Variants in VAT1L observed in about 807,000 individuals in gnomAD.
VAT1L encodes the protein vesicle amine transport 1 like.
A neutral mutation model predicts 44.1 loss-of-function variants in VAT1L; 34 were observed. The ratio of observed to expected loss-of-function variants is 0.77; its 90% confidence interval spans 0.59 to 1.03. The LOEUF (loss-of-function observed/expected upper bound fraction) is 1.03, where lower values mean the gene tolerates loss of function less well. Ranked by LOEUF, VAT1L falls within the 50% of genes least tolerant of loss-of-function variation. VAT1L has a pLI of 0.00. For synonymous variants in VAT1L, 253 were observed against 202.2 expected (o/e 1.25, Z -2.13); for missense variants, 615 against 538.8 (o/e 1.14, Z -1.40).
At chr16:77,917,899 G>C (rs2017567800) in intron 7 of VAT1L, among the ~76,000 whole-genome samples, 1 of 152,198 alleles carries the variant, frequency 6.6e-6, no homozygotes, top group South Asian at 2.1e-4. Flanking sequence ...ATGGAAATCA[G>C]TTGAAGCCAG....
In VAT1L at chr16:77,923,617, A is replaced by G. The variant is rs188044824; in HGVS notation, c.1077+38815A>G. Among the ~76,000 whole-genome samples the G allele has an allele frequency of 3.9e-4, 60 of 152,296 alleles. 1 individual carries two copies. Among genetic ancestry groups the G allele is most frequent in the Admixed American group, 5.9e-4 (9 of 15,290 alleles). ...ATTTCTTTGGTATTTTTCAGAAGCC[A>G]GCCTCCTGCCTAGTCACACAGCTTT... On this transcript the variant is annotated intron_variant, in intron 7 of 8. Coordinates refer to ENST00000302536, the MANE Select transcript of VAT1L (RefSeq NM_020927.3).
rs976211279 is a variant in VAT1L, at chr16:77,978,898, C to T, written c.*1203C>T. On this transcript the variant is annotated 3_prime_UTR_variant, in exon 9 of 9. Coordinates refer to ENST00000302536, the MANE Select transcript of VAT1L (RefSeq NM_020927.3). ...CTTGAGAGGTGAATACAGTTACCTT[C>T]GAGAAACAGAGGGAGCTCCTCACCC... 6.6e-6 allele frequency: 1 copy of T among 152,178 alleles called. No individual in the cohort carries two copies. The highest frequency in any genetic ancestry group is 2.4e-5 in the African/African-American group (1 of 41,462). The allele number at this position is 152,178 out of a possible 1,614,324, so 9.4% of individuals were successfully genotyped here. A position where few individuals can be genotyped will look rare whatever the true frequency, so the allele number is the denominator to read the frequency against.
At chr16:77,848,659 C>T (rs376145046) in intron 3 of VAT1L, among the ~76,000 whole-genome samples, 44 of 152,264 alleles carry the variant, frequency 2.9e-4, no homozygotes, top group African/African-American at 7.9e-4. Flanking sequence ...ATTTGCCCAA[C>T]GCCAGCTATC....
intron 1 of VAT1L, chr16:77,801,209 G>T (rs1567467497): frequency 7.0e-6 from 1 of 141,868 alleles, no homozygotes; most frequent in Admixed American, 7.1e-5. Context: ...GTGATACCAA[G>T]CATCCTACCC....
intron 7 of VAT1L, among the ~76,000 whole-genome samples, chr16:77,927,830 C>T (rs1465296668): frequency 1.3e-5 from 2 of 152,182 alleles, no homozygotes; most frequent in East Asian, 3.9e-4. Context: ...GATCACGCCA[C>T]TGTACTCCAG....
At chr16:77,969,677 T>C (rs2018258357) in intron 7 of VAT1L, among the ~76,000 whole-genome samples, 1 of 152,018 alleles carries the variant, frequency 6.6e-6, no homozygotes, top group Admixed American at 6.6e-5. Context: ...ATTCTGTTGC[T>C]TAGAAGCAAG....
chr16:77,830,835 C>T (rs758543574), intron 3 of VAT1L, among the ~76,000 whole-genome samples: 1 of 152,172 alleles, frequency 6.6e-6, no homozygotes, highest in Non-Finnish European at 1.5e-5. Flanking sequence ...AGGCCCGAGC[C>T]ACCATGCCCA....
intron 7 of VAT1L, among the ~76,000 whole-genome samples, chr16:77,893,695 A>G (rs1263337503): frequency 6.6e-6 from 1 of 152,228 alleles, no homozygotes; most frequent in Non-Finnish European, 1.5e-5. Context: ...CAACATCACA[A>G]TAGTATCCAG....
At chr16:77,855,401 C>A (rs1346774162) in intron 3 of VAT1L, among the ~76,000 whole-genome samples, 1 of 151,532 alleles carries the variant, frequency 6.6e-6, no homozygotes, top group Non-Finnish European at 1.5e-5. Flanking sequence ...CCTAGTCACA[C>A]AACCCATTTG....
intron 7 of VAT1L, among the ~76,000 whole-genome samples, chr16:77,916,644 C>T (rs915921511): frequency 1.8e-4 from 28 of 152,106 alleles, no homozygotes; most frequent in African/African-American, 5.3e-4. Context: ...TACATAAGAG[C>T]GTTTTGTAAA....
intron 7 of VAT1L, among the ~76,000 whole-genome samples, chr16:77,939,212 G>T (rs2017844726): frequency 6.6e-6 from 1 of 152,186 alleles, no homozygotes; most frequent in South Asian, 2.1e-4. Context: ...CTCCCTGTAG[G>T]ACTAAACGCT....
At chr16:77,967,809 T>A (rs1369918386) in intron 7 of VAT1L, among the ~76,000 whole-genome samples, 2 of 152,112 alleles carry the variant, frequency 1.3e-5, no homozygotes. Context: ...CTTGCCAGGG[T>A]GATAAATAAC....
In VAT1L at chr16:77,810,348, G is replaced by A. The variant is rs535776575; in HGVS notation, c.234-6573G>A. 3.3e-5 allele frequency among the ~76,000 whole-genome samples: 5 copies of A among 152,228 alleles called. No homozygotes were observed. In the East Asian group the frequency reaches 9.7e-4, roughly 29 times the overall value. On this transcript the variant is annotated intron_variant, in intron 1 of 8. Transcript: ENST00000302536. Reference sequence around the variant, plus strand: ...CTTGAGTCCAGAACTCAGAGGTGGGGCCCAAAAATCTGTGTTTTAACCAGC... The same window carrying A: ...CTTGAGTCCAGAACTCAGAGGTGGGACCCAAAAATCTGTGTTTTAACCAGC...
chr16:77,807,837 C>A (rs1273072405), intron 1 of VAT1L, among the ~76,000 whole-genome samples: 4 of 152,118 alleles, frequency 2.6e-5, no homozygotes, highest in Non-Finnish European at 4.4e-5. Flanking sequence ...GGTCAAGCAA[C>A]CCACTTGAGG....
chr16:77,953,397 G>A (rs1444092668), intron 7 of VAT1L, among the ~76,000 whole-genome samples: 1 of 152,136 alleles, frequency 6.6e-6, no homozygotes, highest in Non-Finnish European at 1.5e-5. Flanking sequence ...GCTCAAGACT[G>A]GGTATGATTT....
chr16:77,948,638 T>G (rs2142520920), intron 7 of VAT1L, among the ~76,000 whole-genome samples: 1 of 152,310 alleles, frequency 6.6e-6, no homozygotes, highest in South Asian at 2.1e-4. Context: ...AATATTTGGT[T>G]GATTTTTTCC....
intron 7 of VAT1L, among the ~76,000 whole-genome samples, chr16:77,942,018 T>C (rs1285460943): frequency 6.6e-6 from 1 of 152,250 alleles, no homozygotes; most frequent in Non-Finnish European, 1.5e-5. Flanking sequence ...TTCTGACTGG[T>C]TTGAGATGAT....
intron 7 of VAT1L, among the ~76,000 whole-genome samples, chr16:77,963,436 G>A (rs538378977): frequency 2.0e-5 from 3 of 152,216 alleles, no homozygotes; most frequent in African/African-American, 4.8e-5. Flanking sequence ...TTCCTCCCTG[G>A]AAACAAATGC....
chr16:77,940,338 T>TG (rs2017864700), intron 7 of VAT1L, among the ~76,000 whole-genome samples: 1 of 132,442 alleles, frequency 7.6e-6, no homozygotes, highest in African/African-American at 2.8e-5. Flanking sequence ...ACATACCACT[T>TG]GGTTTTTTTT....
Sources: gnomAD v4.1 joint callset for allele counts (sites outside exome capture counted in the v4.1 genomes callset) on GRCh38, gnomAD v4.1.1 for gene constraint, MANE v1.5 for transcripts, NCBI Gene and HGNC (gene_info 2026-07-23, HGNC 2026-07-21) for gene names.